Variants in UNC5C observed in about 807,000 individuals in gnomAD.
UNC5C encodes unc-5 netrin receptor C.
Under a neutral mutation model 99.8 loss-of-function variants are expected in UNC5C, and 47 were observed. The observed-to-expected ratio is 0.47, with a 90% CI of 0.37 to 0.60. The LOEUF (loss-of-function observed/expected upper bound fraction) is 0.60. Ranked by LOEUF, UNC5C falls within the 20% of genes least tolerant of loss-of-function variation. The probability of loss-of-function intolerance (pLI) is 0.00; values close to 1 mark genes in which losing one functional copy is unlikely to be tolerated. For missense variants in UNC5C, 1,062 were observed against 1,165.9 expected, an observed-to-expected ratio of 0.91 and a Z score of 1.30; for synonymous variants, 487 against 452.2, an observed-to-expected ratio of 1.08 and a Z score of -0.98.
intron 3 of UNC5C, among the ~76,000 whole-genome samples, chr4:95,294,017 G>A (rs1227640989): frequency 6.6e-6 from 1 of 152,034 alleles, no homozygotes; most frequent in Non-Finnish European, 1.5e-5. Flanking sequence ...TATTGTAAGG[G>A]TACACACACT....
rs529949847 is a variant in UNC5C at position 95,543,029 on chromosome 4, A to G, written c.124+5705T>C. On this transcript the variant is annotated intron_variant, in intron 1 of 15. Coordinates refer to ENST00000453304, the MANE Select transcript of UNC5C (RefSeq NM_003728.4). ...CAAACTTACTCTACTTCAAAGTAGC[A>G]TTAAAAAACAGCACCAAGTTTCTGT... Among the ~76,000 whole-genome samples, 9 of 152,142 alleles carry G rather than the reference A, an allele frequency of 5.9e-5. No homozygotes were observed. In the South Asian group the frequency reaches 1.2e-3, roughly 21 times the overall value.
intron 11 of UNC5C, among the ~76,000 whole-genome samples, chr4:95,203,401 C>T (rs1219958187): frequency 2.0e-4 from 31 of 152,094 alleles, no homozygotes; most frequent in African/African-American, 2.7e-4. Context: ...TTCCATGACA[C>T]GTAAGATACA....
intron 2 of UNC5C, among the ~76,000 whole-genome samples, chr4:95,326,236 T>A (rs1284219113): frequency 6.7e-6 from 1 of 149,776 alleles, no homozygotes; most frequent in Non-Finnish European, 1.5e-5. Flanking sequence ...TGTGTTGACC[T>A]TATTGATATT....
chr4:95,349,241 A>T (rs1039751908), intron 1 of UNC5C, among the ~76,000 whole-genome samples: 4 of 150,388 alleles, frequency 2.7e-5, no homozygotes, highest in Non-Finnish European at 5.9e-5. Flanking sequence ...CGTACCCCAT[A>T]ACTGTATACA....
chr4:95,541,262 C>T (rs549626152), intron 1 of UNC5C, among the ~76,000 whole-genome samples: 145 of 152,172 alleles, frequency 9.5e-4, no homozygotes, highest in African/African-American at 2.8e-3. Context: ...CTCTGAGTAG[C>T]GTGACAAAAT....
chr4:95,436,648 G>A (rs764458385), intron 1 of UNC5C, among the ~76,000 whole-genome samples: 2 of 151,850 alleles, frequency 1.3e-5, no homozygotes, highest in Non-Finnish European at 2.9e-5. Context: ...AAATGAACAC[G>A]TTCAAGCTGC....
At chr4:95,402,028 T>C (rs547416114) in intron 1 of UNC5C, among the ~76,000 whole-genome samples, 2 of 152,338 alleles carry the variant, frequency 1.3e-5, no homozygotes, top group South Asian at 2.1e-4. Flanking sequence ...CCTGTCTTCA[T>C]GCAATTTCAC....
chr4:95,389,475 G>A lies in UNC5C; in HGVS notation c.125-53844C>T, dbSNP rs143567983. On this transcript the variant is annotated intron_variant, in intron 1 of 15. Coordinates refer to ENST00000453304, the MANE Select transcript of UNC5C (RefSeq NM_003728.4). The stretch of plus-strand genomic sequence containing the variant: ...GGTGACAGCACTGAATATCTAGAAC[G>A]ATAATTCTATCTGGTAGCCACTAGC... 5.1e-3 allele frequency among the ~76,000 whole-genome samples: 771 copies of A among 152,154 alleles called. 8 individuals are homozygous for A. The highest frequency in any genetic ancestry group is 0.018 in the African/African-American group (740 of 41,538).
intron 2 of UNC5C, among the ~76,000 whole-genome samples, chr4:95,306,427 C>T (rs1474278701): frequency 6.6e-6 from 1 of 152,070 alleles, no homozygotes; most frequent in Non-Finnish European, 1.5e-5. Flanking sequence ...TGGTCTTGAT[C>T]TAGTGACCTC....
intron 1 of UNC5C, among the ~76,000 whole-genome samples, chr4:95,525,596 TAAAAA>T (rs574532435): frequency 7.8e-5 from 8 of 102,154 alleles, no homozygotes; most frequent in Admixed American, 1.1e-4. Context: ...GCCTATTTCT[TAAAAA>T]AAAAAAAAAA....
chr4:95,320,438 AGAAAAGAAAAG>A (rs1163948665), intron 2 of UNC5C, among the ~76,000 whole-genome samples: 1 of 123,918 alleles, frequency 8.1e-6, no homozygotes, highest in Admixed American at 9.0e-5. Flanking sequence ...AAAAAAAAAA[AGAAAAGAAAAG>A]AAAAGAAAGT....
chr4:95,248,591 T>C (rs1453973680), intron 5 of UNC5C: 1 of 453,660 alleles, frequency 2.2e-6, no homozygotes, highest in African/African-American at 2.0e-5. Flanking sequence ...AGCAGAGTGA[T>C]CTTGAGCCCG....
At chr4:95,185,283 C>T (rs2149351719) in intron 12 of UNC5C, 87 bp from the exon 13 acceptor site, 1 of 1,479,024 alleles carries the variant, frequency 6.8e-7, no homozygotes, top group South Asian at 1.4e-5. Context: ...TCTTTACTGC[C>T]TCCTGAATGG....
intron 3 of UNC5C, among the ~76,000 whole-genome samples, chr4:95,286,358 G>A (rs1741235442): frequency 6.6e-6 from 1 of 152,172 alleles, no homozygotes. Context: ...AACTCCACAG[G>A]TGTGTTTTCT....
Position 95,520,440 on chromosome 4 carries a change from G to A in UNC5C, c.124+28294C>T, listed in dbSNP as rs139573021. Among the ~76,000 whole-genome samples, 119 of 152,220 alleles carry A rather than the reference G, an allele frequency of 7.8e-4. 2 individuals carry two copies. The highest frequency in any genetic ancestry group is 2.8e-3 in the African/African-American group (118 of 41,558). ...AATGCATAATGGTGAAAATATGATG[G>A]AAGTTTGTATCTGAACTCTGATATA... On this transcript the variant is annotated intron_variant, in intron 1 of 15. Transcript: ENST00000453304.
chr4:95,227,850 A>G (rs1738754873), intron 7 of UNC5C, among the ~76,000 whole-genome samples: 1 of 152,188 alleles, frequency 6.6e-6, no homozygotes, highest in African/African-American at 2.4e-5. Context: ...TGTTTACTGT[A>G]GATTTGGATT....
At chr4:95,192,673 C>A (rs1208145896) in intron 12 of UNC5C, among the ~76,000 whole-genome samples, 3 of 149,014 alleles carry the variant, frequency 2.0e-5, no homozygotes, top group Non-Finnish European at 4.5e-5. Context: ...CCCCTGCTCA[C>A]CTCCTCTGTT....
At chr4:95,190,889 G>A (rs1737059228) in intron 12 of UNC5C, among the ~76,000 whole-genome samples, 1 of 152,174 alleles carries the variant, frequency 6.6e-6, no homozygotes, top group African/African-American at 2.4e-5. Flanking sequence ...GCCTGTGAGG[G>A]ATTGCTCCAA....
At chr4:95,423,294 T>C (rs1165254916) in intron 1 of UNC5C, among the ~76,000 whole-genome samples, 1 of 152,200 alleles carries the variant, frequency 6.6e-6, no homozygotes, top group African/African-American at 2.4e-5. Flanking sequence ...TTGGCCATGC[T>C]GCCCAGAAAG....
Sources: gnomAD v4.1 joint callset for allele counts (sites outside exome capture counted in the v4.1 genomes callset) on GRCh38, gnomAD v4.1.1 for gene constraint, MANE v1.5 for transcripts, NCBI Gene and HGNC (gene_info 2026-07-23, HGNC 2026-07-21) for gene names.